Variants in PCNX4 observed in about 807,000 individuals in gnomAD.
PCNX4 encodes pecanex 4, also known as pecanex-like protein 4.
PCNX4 carries 103 observed loss-of-function variants against 107.2 expected under a neutral mutation model. The ratio of observed to expected loss-of-function variants is 0.96; its 90% confidence interval spans 0.82 to 1.13. The LOEUF is 1.13. Ranked by LOEUF, PCNX4 falls within the 50% of genes most tolerant of loss-of-function variation. PCNX4 has a pLI of 0.00. For synonymous variants in PCNX4, 541 were observed against 481.7 expected, an observed-to-expected ratio of 1.12 and a Z score of -1.61; for missense variants, 1,528 against 1,379.4, an observed-to-expected ratio of 1.11 and a Z score of -1.71.
Position 60,105,906 on chromosome 14 carries a change from A to G in PCNX4, c.-53-1680A>G, listed in dbSNP as rs1895619268. Among the ~76,000 whole-genome samples the G allele has an allele frequency of 3.3e-5, 5 of 152,168 alleles. No homozygotes were observed. The South Asian group carries it at 1.0e-3, about 32-fold the overall frequency. On this transcript the variant is annotated intron_variant, in intron 1 of 10. Transcript: ENST00000406854. Reference sequence around the variant, plus strand: ...ATCCACATTCTTCAAAATCCAGTCTATCCCTCCAAGTTCATTTTCCTGTCT... The same window carrying G: ...ATCCACATTCTTCAAAATCCAGTCTGTCCCTCCAAGTTCATTTTCCTGTCT...
chr14:60,113,895 T>G (rs1471517439), intron 2 of PCNX4, among the ~76,000 whole-genome samples: 1 of 152,198 alleles, frequency 6.6e-6, no homozygotes, highest in East Asian at 1.9e-4. Flanking sequence ...TTAAATTATT[T>G]GAAGCAGTTT....
chr14:60,121,584 A>AT lies in PCNX4; in HGVS notation c.2046+294dup, dbSNP rs60400453. Among the ~76,000 whole-genome samples, 13 of 151,504 alleles carry AT rather than the reference A, an allele frequency of 8.6e-5. No individual in the cohort carries two copies. The East Asian group carries it at 1.6e-3, about 18-fold the overall frequency. ...AGCATCTCAAAAGTGTGAATCAGTA[A>AT]TTTTTTTTTAACTCCTATATCATTT... On this transcript the variant is annotated intron_variant, in intron 8 of 10. Transcript: ENST00000406854.
rs1247211152 is a variant in PCNX4, at chr14:60,140,706, G to A, written c.*6485G>A. ...GTGATAGTTGCAAATCAATCAATAT[G>A]ATTCAACACATTAACAGAATGAAAG... On this transcript the variant is annotated 3_prime_UTR_variant, in exon 11 of 11. Coordinates refer to ENST00000406854, the MANE Select transcript of PCNX4 (RefSeq NM_001330177.2). This position sits in a 1 kb window ranked among gnomAD's most constrained non-coding sequence, Gnocchi z 4.2. The A allele has an allele frequency of 6.6e-6, 1 of 152,188 alleles. No individual in the cohort carries two copies. The highest frequency in any genetic ancestry group is 6.5e-5 in the Admixed American group (1 of 15,288). 9.4% of individuals were successfully genotyped at this position (152,188 alleles called of 1,614,324 possible). A position where few individuals can be genotyped will look rare whatever the true frequency, so the allele number is the denominator to read the frequency against.
At position 60,140,623 on chromosome 14, in the gene PCNX4, TAC is replaced by T. The variant is rs1288894771; in HGVS notation, c.*6410_*6411del. 1.2e-4 allele frequency: 18 copies of T among 150,210 alleles called. No homozygotes were observed. The highest frequency in any genetic ancestry group is 1.5e-5 in the Non-Finnish European group (1 of 67,672). 9.3% of individuals were successfully genotyped at this position (150,210 alleles called of 1,614,324 possible). A position where few individuals can be genotyped will look rare whatever the true frequency, so the allele number is the denominator to read the frequency against. On this transcript the variant is annotated 3_prime_UTR_variant, in exon 11 of 11. Coordinates refer to ENST00000406854, the MANE Select transcript of PCNX4 (RefSeq NM_001330177.2). The surrounding 1 kb of genome is among the most constrained non-coding windows in gnomAD (Gnocchi z 4.2). ...ACATACACACACACACACACACCCC[TAC>T]ACACACAGAATAATCACAATCAAGT...
Position 60,125,754 on chromosome 14 carries a change from T to A in PCNX4, c.3198T>A (p.Asp1066Glu), listed in dbSNP as rs1302378708. 6.2e-7 allele frequency: 1 copy of A among 1,612,086 alleles called. No homozygotes were observed. The highest frequency in any genetic ancestry group is 8.5e-7 in the Non-Finnish European group (1 of 1,179,018). Residue 1066 changes from aspartate (D) to glutamate (E), a missense_variant, in exon 10 of 11, where the codon GAT becomes GAA. Transcript: ENST00000406854. Reference sequence around the variant, plus strand: ...ACTGGTACATTGGTTTGGTATCTGATGAAAAGTGGAAGGAAGCAATTTTAC... The same window carrying A: ...ACTGGTACATTGGTTTGGTATCTGAAGAAAAGTGGAAGGAAGCAATTTTAC... ...ERDWYIGLVS[D>E]EKWKEAILQE...
intron 6 of PCNX4, 91 bp from the exon 7 acceptor site, chr14:60,118,238 T>C (rs995748266): frequency 7.5e-7 from 1 of 1,328,158 alleles, no homozygotes; most frequent in African/African-American, 1.5e-5. Flanking sequence ...GGGGCAATAA[T>C]AAAATTACTG....
chr14:60,122,027 G>T (rs1237017967), intron 8 of PCNX4, among the ~76,000 whole-genome samples: 2 of 152,122 alleles, frequency 1.3e-5, no homozygotes, highest in East Asian at 3.9e-4. Flanking sequence ...CCTTCTGGTT[G>T]TTCAGGCCAA....
intron 10 of PCNX4, among the ~76,000 whole-genome samples, chr14:60,131,550 A>G (rs1319780485): frequency 2.6e-5 from 4 of 152,252 alleles, no homozygotes; most frequent in African/African-American, 9.6e-5. Flanking sequence ...ACATTGTTAA[A>G]AGAGAAAACT....
Position 60,122,531 on chromosome 14 carries a change from T to C in PCNX4, c.2046+1232T>C, listed in dbSNP as rs554322980. 1.4e-4 allele frequency among the ~76,000 whole-genome samples: 21 copies of C among 152,144 alleles called. No homozygotes were observed. In the South Asian group the frequency reaches 3.9e-3, roughly 29 times the overall value. On this transcript the variant is annotated intron_variant, in intron 8 of 10. Coordinates refer to ENST00000406854, the MANE Select transcript of PCNX4 (RefSeq NM_001330177.2). The stretch of plus-strand genomic sequence containing the variant: ...GTCACCTCCTCAGTGAGATTTCCTA[T>C]GGCCATCATATTTAAAATTACACTC...
At position 60,134,253 on chromosome 14, in the gene PCNX4, A is replaced by G; in HGVS notation, c.*32A>G. On this transcript the variant is annotated 3_prime_UTR_variant, in exon 11 of 11. Coordinates refer to ENST00000406854, the MANE Select transcript of PCNX4 (RefSeq NM_001330177.2). Reference sequence around the variant, plus strand: ...TTTTGACTGTAATGTCATCAAATGCAATGTTTTTATTTTTTCATCCTAAAA... The same window carrying G: ...TTTTGACTGTAATGTCATCAAATGCGATGTTTTTATTTTTTCATCCTAAAA... The G allele has an allele frequency of 6.2e-7, 1 of 1,601,336 alleles. No individual in the cohort carries two copies. The highest frequency in any genetic ancestry group is 8.5e-7 in the Non-Finnish European group (1 of 1,172,302).
rs1346886810 is a variant in PCNX4 at position 60,124,386 on chromosome 14, G to T, written c.2215G>T (p.Ala739Ser). The T allele has an allele frequency of 6.2e-7, 1 of 1,613,408 alleles. No homozygotes were observed. The highest frequency in any genetic ancestry group is 1.1e-5 in the South Asian group (1 of 91,052). ...TVLPVKLYSDARNVLSGIIDS... is the reference protein window; with the variant it reads ...TVLPVKLYSDSRNVLSGIIDS... The stretch of plus-strand genomic sequence containing the variant: ...TTTGCCTGTGAAATTGTATTCTGAT[G>T]CCAGGAATGTTCTATCAGGCATAAT... Residue 739 changes from alanine to serine, a missense_variant, in exon 9 of 11, where the codon GCC becomes TCC. By Grantham distance (99) the Ala-to-Ser change is moderately conservative (BLOSUM62 1). Coordinates refer to ENST00000406854, the MANE Select transcript of PCNX4 (RefSeq NM_001330177.2).
intron 2 of PCNX4, chr14:60,110,193 G>C (rs1470920090): frequency 6.0e-6 from 1 of 167,170 alleles, no homozygotes; most frequent in Non-Finnish European, 1.5e-5. Context: ...TTGGAGACAG[G>C]AAGTAATGAA....
rs1022219393 is a variant in PCNX4 at position 60,096,511 on chromosome 14, C to T, written c.-54+4092C>T. Among the ~76,000 whole-genome samples the T allele has an allele frequency of 9.8e-5, 15 of 152,292 alleles. 1 individual carries two copies. The highest frequency in any genetic ancestry group is 6.5e-4 in the Admixed American group (10 of 15,292). ...AAAAGGTTTGCTGGTTTTGGCAGGTCTGAATTACTCGTCCTTGTGCCCAGG... is the reference window on the plus strand; with the variant it reads ...AAAAGGTTTGCTGGTTTTGGCAGGTTTGAATTACTCGTCCTTGTGCCCAGG... On this transcript the variant is annotated intron_variant, in intron 1 of 10. Coordinates refer to ENST00000406854, the MANE Select transcript of PCNX4 (RefSeq NM_001330177.2).
rs1896015493 is a variant in PCNX4 at position 60,124,617 on chromosome 14, G to A, written c.2446G>A (p.Glu816Lys). Reference protein sequence around the residue: ...SPEDIDSLNSETFNDWSDDNI... With the variant: ...SPEDIDSLNSKTFNDWSDDNI... Reference sequence around the variant, plus strand: ...AGAAGACATAGACAGTTTAAATTCAGAAACTTTTAATGACTGGTCTGATGA... The same window carrying A: ...AGAAGACATAGACAGTTTAAATTCAAAAACTTTTAATGACTGGTCTGATGA... The change falls in exon 9 of 11, where the codon GAA becomes AAA. Residue 816 changes from glutamate (E) to lysine (K), a missense_variant. Coordinates refer to ENST00000406854, the MANE Select transcript of PCNX4 (RefSeq NM_001330177.2). 6.2e-7 allele frequency: 1 copy of A among 1,613,644 alleles called. No individual in the cohort carries two copies. The highest frequency in any genetic ancestry group is 1.7e-5 in the Admixed American group (1 of 59,972).
At position 60,148,011 on chromosome 14, in the gene PCNX4, T is replaced by A. The variant is rs1192003851; in HGVS notation, c.*13790T>A. On this transcript the variant is annotated 3_prime_UTR_variant, in exon 11 of 11. Transcript: ENST00000406854. This position sits in a 1 kb window ranked among gnomAD's most constrained non-coding sequence, Gnocchi z 4.8. Reference sequence around the variant, plus strand: ...ACAATACCAAAACACTCATAAGGGATCTGGCCCAAAGCAAACTGTTCCACA... The same window carrying A: ...ACAATACCAAAACACTCATAAGGGAACTGGCCCAAAGCAAACTGTTCCACA... 3.9e-5 allele frequency: 6 copies of A among 152,202 alleles called. No individual in the cohort carries two copies. Among genetic ancestry groups the A allele is most frequent in the African/African-American group, 1.4e-4 (6 of 41,444 alleles). 9.4% of individuals were successfully genotyped at this position (152,202 alleles called of 1,614,324 possible).
At chr14:60,106,752 C>A (rs1895637345) in intron 1 of PCNX4, among the ~76,000 whole-genome samples, 1 of 95,290 alleles carries the variant, frequency 1.0e-5, no homozygotes, top group South Asian at 3.1e-4. Flanking sequence ...TTTAAACTGA[C>A]TGGAAGAAAG....
intron 1 of PCNX4, among the ~76,000 whole-genome samples, chr14:60,097,725 C>T (rs2140528342): frequency 6.6e-6 from 1 of 152,330 alleles, no homozygotes; most frequent in South Asian, 2.1e-4. Flanking sequence ...TAGCATGGGT[C>T]ACCCCATTCC....
chr14:60,129,421 G>T (rs927117239), intron 10 of PCNX4, among the ~76,000 whole-genome samples: 1 of 151,950 alleles, frequency 6.6e-6, no homozygotes, highest in Non-Finnish European at 1.5e-5. Context: ...GTGTGGTGGC[G>T]TGCATTTGTA....
intron 10 of PCNX4, among the ~76,000 whole-genome samples, chr14:60,133,205 A>G (rs1024910049): frequency 1.3e-5 from 2 of 152,222 alleles, no homozygotes; most frequent in African/African-American, 2.4e-5. Context: ...CTGTACATCA[A>G]TTGCTGAAAA....
Sources: allele counts gnomAD v4.1 joint callset (sites outside exome capture counted in the v4.1 genomes callset), GRCh38; gene constraint gnomAD v4.1.1; non-coding constraint Gnocchi (gnomAD v3.1); transcripts MANE v1.5; gene names NCBI Gene and HGNC (gene_info 2026-07-23, HGNC 2026-07-21).